The following EIF2AK4 variants were observed in gnomAD, a reference collection of about 807,000 sequenced individuals.
EIF2AK4 encodes the protein eIF-2-alpha kinase GCN2.
EIF2AK4 carries 139 observed loss-of-function variants against 211.1 expected under a neutral mutation model. The ratio of observed to expected loss-of-function variants is 0.66; its 90% confidence interval spans 0.57 to 0.76. EIF2AK4 has a LOEUF of 0.76. Among genes scored for constraint, EIF2AK4 ranks in the 30% least tolerant of loss-of-function variants. The probability of loss-of-function intolerance (pLI) is 0.00; values close to 1 mark genes in which losing one functional copy is unlikely to be tolerated. For synonymous variants in EIF2AK4, 710 were observed against 751.3 expected (o/e 0.94, Z 0.90); for missense variants, 1,664 against 2,043.8 (o/e 0.81, Z 3.58).
At chr15:39,967,299 T>C in intron 8 of EIF2AK4, 45 bp from the exon 9 acceptor site, 3 of 1,512,178 alleles carry the variant, frequency 2.0e-6, no homozygotes, top group South Asian at 1.3e-5. Context: ...CCCAAGTTAA[T>C]GTTGACTGGC....
At chr15:39,983,447 CTT>C (rs34672885) in intron 13 of EIF2AK4, among the ~76,000 whole-genome samples, 10 of 145,748 alleles carry the variant, frequency 6.9e-5, no homozygotes, top group Admixed American at 1.4e-4. Context: ...GGATATTAGC[CTT>C]TTTTTTTTTT....
chr15:40,031,042 C>A (rs1021939993), intron 35 of EIF2AK4, among the ~76,000 whole-genome samples: 2 of 152,150 alleles, frequency 1.3e-5, no homozygotes, highest in Non-Finnish European at 2.9e-5. Flanking sequence ...GAGTTCGAGA[C>A]CACCCTGGCC....
At chr15:39,992,029 T>C (rs1378912524) in intron 16 of EIF2AK4, 146 bp from the exon 17 acceptor site, 4 of 744,010 alleles carry the variant, frequency 5.4e-6, no homozygotes, top group African/African-American at 1.8e-5. Context: ...TTAACTAAAC[T>C]AGAAAAAAAA....
At chr15:40,021,460 C>T (rs912854809) in intron 31 of EIF2AK4, 1 of 153,754 alleles carries the variant, frequency 6.5e-6, no homozygotes, top group African/African-American at 2.4e-5. Flanking sequence ...TGTCCAGCTC[C>T]CTCATACATG....
intron 11 of EIF2AK4, 125 bp from the exon 12 acceptor site, chr15:39,976,289 T>G: frequency 9.7e-7 from 1 of 1,032,644 alleles, no homozygotes. Flanking sequence ...AGGCATGTGG[T>G]TCTTGACTGT....
rs2034534769 is a variant in EIF2AK4 at position 39,965,701 on chromosome 15, T to C, written c.875T>C (p.Leu292Pro). Residue 292 changes from leucine (L) to proline (P), a missense_variant, in exon 8 of 39, where the codon CTT (leucine) becomes CCT (proline). Coordinates refer to ENST00000263791, the MANE Select transcript of EIF2AK4 (RefSeq NM_001013703.4). ...TAATGTGCAGGCAGTGATGAACAAC[T>C]TGGAAAATTAGTCTACAATGCTTTG... ...KGKCIGSDEQ[L>P]GKLVYNALET... 1 of 1,613,846 alleles carries C rather than the reference T, an allele frequency of 6.2e-7. No homozygotes were observed. The highest frequency in any genetic ancestry group is 1.3e-5 in the African/African-American group (1 of 74,876).
chr15:39,950,589 C>CAAA (rs771231139), intron 4 of EIF2AK4, among the ~76,000 whole-genome samples: 1 of 59,750 alleles, frequency 1.7e-5, no homozygotes, highest in Non-Finnish European at 3.4e-5. Context: ...ACTCTGTCTT[C>CAAA]AAAAAAAAAA....
chr15:39,956,449 A>G (rs1283000681), intron 6 of EIF2AK4, among the ~76,000 whole-genome samples: 1 of 152,228 alleles, frequency 6.6e-6, no homozygotes, highest in Admixed American at 6.5e-5. Context: ...ACAATGCCTT[A>G]GGTCCCACCA....
intron 9 of EIF2AK4, among the ~76,000 whole-genome samples, chr15:39,969,843 TG>T (rs914909438): frequency 2.0e-5 from 3 of 152,200 alleles, no homozygotes; most frequent in Non-Finnish European, 4.4e-5. Context: ...ACCTTCCATT[TG>T]TAGTTATATT....
Position 40,003,577 on chromosome 15 carries a change from C to A in EIF2AK4, c.3357+263C>A, listed in dbSNP as rs544019379. Among the ~76,000 whole-genome samples, 3 of 152,228 alleles carry A rather than the reference C, an allele frequency of 2.0e-5. No homozygotes were observed. The East Asian group carries it at 5.8e-4, about 29-fold the overall frequency. ...GCATTGCAGGTGCCACATGTGCACCCCCCAGTGTTGAGTGACCACAGCAGG... is the reference window on the plus strand; with the variant it reads ...GCATTGCAGGTGCCACATGTGCACCACCCAGTGTTGAGTGACCACAGCAGG... On this transcript the variant is annotated intron_variant, in intron 23 of 38. Coordinates refer to ENST00000263791, the MANE Select transcript of EIF2AK4 (RefSeq NM_001013703.4).
intron 18 of EIF2AK4, among the ~76,000 whole-genome samples, chr15:39,994,991 G>GC (rs1233733539): frequency 8.5e-5 from 13 of 152,060 alleles, no homozygotes; most frequent in Admixed American, 8.5e-4. Context: ...ACAGACGCCT[G>GC]CCACCATGCC....
At chr15:39,958,151 A>G (rs913431356) in intron 6 of EIF2AK4, among the ~76,000 whole-genome samples, 2 of 152,252 alleles carry the variant, frequency 1.3e-5, no homozygotes, top group Non-Finnish European at 2.9e-5. Context: ...AAGTGCAGAC[A>G]TAGTCCCCCC....
At chr15:39,960,036 G>C (rs749219475) in intron 6 of EIF2AK4, among the ~76,000 whole-genome samples, 1 of 151,814 alleles carries the variant, frequency 6.6e-6, no homozygotes, top group Non-Finnish European at 1.5e-5. Context: ...TGGTGGCGGG[G>C]GCCTATAGTC....
intron 33 of EIF2AK4, 74 bp downstream of exon 33, chr15:40,026,163 A>G (rs1453075960): frequency 1.5e-6 from 2 of 1,357,844 alleles, no homozygotes; most frequent in Non-Finnish European, 2.0e-6. Flanking sequence ...TTATTTTAAA[A>G]GTCAATTTGA....
At chr15:39,953,880 T>C (rs1180177590) in intron 4 of EIF2AK4, 24 bp from the exon 5 acceptor site, 1 of 1,607,808 alleles carries the variant, frequency 6.2e-7, no homozygotes, top group Non-Finnish European at 8.5e-7. Flanking sequence ...GATTGGCATT[T>C]GATGATGGTT....
chr15:39,948,929 C>A (rs537612361), intron 3 of EIF2AK4, among the ~76,000 whole-genome samples, 187 bp from the exon 4 acceptor site: 2 of 152,176 alleles, frequency 1.3e-5, no homozygotes, highest in African/African-American at 4.8e-5. Context: ...ATGCAATGGG[C>A]CCTTTAAAAG....
At chr15:40,023,576 T>G (rs1224351703) in intron 32 of EIF2AK4, among the ~76,000 whole-genome samples, 2 of 152,246 alleles carry the variant, frequency 1.3e-5, no homozygotes, top group Non-Finnish European at 2.9e-5. Flanking sequence ...TTTTCAGATA[T>G]TCCCCTGTTA....
intron 6 of EIF2AK4, among the ~76,000 whole-genome samples, chr15:39,960,549 A>G (rs915489042): frequency 6.6e-6 from 1 of 152,012 alleles, no homozygotes; most frequent in Non-Finnish European, 1.5e-5. Context: ...TGACGTTGCA[A>G]TGGTGTGAGG....
intron 13 of EIF2AK4, among the ~76,000 whole-genome samples, chr15:39,980,927 G>A (rs907107371): frequency 1.3e-5 from 2 of 152,168 alleles, no homozygotes; most frequent in African/African-American, 4.8e-5. Context: ...GTAAAGAAAA[G>A]TCTAAGTGTA....
Sources: allele counts gnomAD v4.1 joint callset (sites outside exome capture counted in the v4.1 genomes callset), GRCh38; gene constraint gnomAD v4.1.1; transcripts MANE v1.5; gene names NCBI Gene and HGNC (gene_info 2026-07-23, HGNC 2026-07-21).